The following ERI1 variants were observed in gnomAD, a reference collection of about 807,000 sequenced individuals.
The protein encoded by ERI1 is exoribonuclease 1, also known as 3'-5' exoribonuclease 1.
ERI1 carries 39 observed loss-of-function variants against 39.7 expected under a neutral mutation model. The ratio of observed to expected loss-of-function variants is 0.98; its 90% CI spans 0.76 to 1.28. ERI1 has a LOEUF of 1.28. Ranked by LOEUF, ERI1 falls within the 50% of genes most tolerant of loss-of-function variation. ERI1 has a pLI of 0.00. For missense variants in ERI1, 581 were observed against 416.9 expected, an observed-to-expected ratio of 1.39 and a Z score of -3.43; for synonymous variants, 204 against 149.6, an observed-to-expected ratio of 1.36 and a Z score of -2.65.
chr8:9,019,270 G>T (rs545510085), intron 5 of ERI1, among the ~76,000 whole-genome samples: 2 of 152,190 alleles, frequency 1.3e-5, no homozygotes, highest in African/African-American at 2.4e-5. Context: ...TTCAAACTGT[G>T]CAGGTTATCC....
chr8:9,007,861 C>T (rs74333969), intron 1 of ERI1, 109 bp from the exon 2 acceptor site: 9 of 1,438,144 alleles, frequency 6.3e-6, no homozygotes, highest in East Asian at 5.0e-5. Context: ...GAACATGTAG[C>T]ATGAAGAGGC....
downstream of ERI1, among the ~76,000 whole-genome samples, chr8:9,037,873 G>T (rs1488976772): frequency 7.2e-6 from 1 of 139,446 alleles, no homozygotes; most frequent in Non-Finnish European, 1.5e-5. Context: ...TAGTAGTTCA[G>T]TCTGTACATT....
intron 5 of ERI1, among the ~76,000 whole-genome samples, chr8:9,018,719 T>C (rs7814328): frequency 0.48 from 72,417 of 152,042 alleles, 18,858 homozygotes; most frequent in African/African-American, 0.65. Context: ...CCTTGAAGCC[T>C]CTTTCCTCTC....
Position 9,030,125 on chromosome 8 carries a change from T to G in ERI1, c.*91T>G. The G allele has an allele frequency of 1.3e-6, 2 of 1,496,300 alleles. No individual in the cohort carries two copies. The highest frequency in any genetic ancestry group is 2.3e-5 in the East Asian group (1 of 43,746). The allele number at this position is 1,496,300 out of a possible 1,614,324, so 92.7% of individuals were successfully genotyped here. A position where few individuals can be genotyped will look rare whatever the true frequency, so the allele number is the denominator to read the frequency against. ...TGAATTAGTCCTGTAGTGCAAACTT[T>G]AAGCACCTTAAAACATTTAAAATCT... On this transcript the variant is annotated 3_prime_UTR_variant, in exon 7 of 7. Transcript: ENST00000250263.
chr8:9,009,183 T>C, intron 2 of ERI1: 1 of 427,434 alleles, frequency 2.3e-6, no homozygotes, highest in Non-Finnish European at 4.7e-6. Flanking sequence ...GAATTCTAAG[T>C]ACTGCACTAG....
chr8:9,014,497 C>G (rs1369049429), intron 3 of ERI1, among the ~76,000 whole-genome samples: 2 of 152,116 alleles, frequency 1.3e-5, no homozygotes, highest in African/African-American at 4.8e-5. Context: ...CACCCAGGTT[C>G]CTTTAGTTTT....
At position 9,018,289 on chromosome 8, in the gene ERI1, A is replaced by G. The variant is rs771496350; in HGVS notation, c.583-8A>G. 4 of 1,562,998 alleles carry G rather than the reference A, an allele frequency of 2.6e-6. No individual in the cohort carries two copies. On this transcript the variant is annotated splice_polypyrimidine_tract_variant and splice_region_variant and intron_variant, in intron 4 of 6. Transcript: ENST00000250263. ...TGATTTTTGTATATTTTACTTTTAT[A>G]TCCTCAGGATCAGGTAGACAGAGCT...
At chr8:9,071,401 G>T (rs1799046685) in intron 3 of ERI1, among the ~76,000 whole-genome samples, 1 of 152,164 alleles carries the variant, frequency 6.6e-6, no homozygotes, top group Non-Finnish European at 1.5e-5. Flanking sequence ...TCCCACGGTG[G>T]AATTCAATAT....
chr8:9,025,157 C>T (rs1201443178), intron 6 of ERI1, among the ~76,000 whole-genome samples: 3 of 152,150 alleles, frequency 2.0e-5, no homozygotes, highest in Non-Finnish European at 4.4e-5. Flanking sequence ...GGATCCCTTA[C>T]CTAATCATAT....
At chr8:9,050,109 G>C (rs987751861) in intron 3 of ERI1, among the ~76,000 whole-genome samples, 4 of 151,668 alleles carry the variant, frequency 2.6e-5, no homozygotes, top group Non-Finnish European at 2.9e-5. Flanking sequence ...ATGTTTTAAG[G>C]ATAAGTGAGG....
At chr8:9,054,620 A>T (rs1386764900) in intron 3 of ERI1, among the ~76,000 whole-genome samples, 1 of 152,248 alleles carries the variant, frequency 6.6e-6, no homozygotes, top group African/African-American at 2.4e-5. Flanking sequence ...GGAAGCAGGG[A>T]CAGCCACGTA....
intron 3 of ERI1, among the ~76,000 whole-genome samples, chr8:9,014,267 C>T (rs1816994970): frequency 6.6e-6 from 1 of 152,220 alleles, no homozygotes; most frequent in South Asian, 2.1e-4. Flanking sequence ...GTTTTCTTAG[C>T]CAGAAGTCTT....
rs546549097 is a variant in ERI1 at position 9,025,570 on chromosome 8, A to G, written c.808-4222A>G. Among the ~76,000 whole-genome samples, 14 of 152,324 alleles carry G rather than the reference A, an allele frequency of 9.2e-5. No individual in the cohort carries two copies. The South Asian group carries it at 2.9e-3, about 32-fold the overall frequency. On this transcript the variant is annotated intron_variant, in intron 6 of 6. Transcript: ENST00000250263. ...TCCTTGCTAAGCCAGAGGAAGCAAG[A>G]GGTTGGTTTGTTCTTTGTCTAGATT...
chr8:9,030,319 G>T lies in ERI1; in HGVS notation c.*285G>T, dbSNP rs1433469052. The T allele has an allele frequency of 1.2e-5, 4 of 334,676 alleles. No individual in the cohort carries two copies. Among genetic ancestry groups the T allele is most frequent in the East Asian group, 1.0e-4 (2 of 19,936 alleles). The allele number at this position is 334,676 out of a possible 1,614,324, so 20.7% of individuals were successfully genotyped here. On this transcript the variant is annotated 3_prime_UTR_variant, in exon 7 of 7. Transcript: ENST00000250263. Reference sequence around the variant, plus strand: ...AAGGTGTTCAAGATATATTCTTTTTGGTTTTAAAATGCAAAATCTTATTGG... The same window carrying T: ...AAGGTGTTCAAGATATATTCTTTTTTGTTTTAAAATGCAAAATCTTATTGG...
chr8:9,068,225 A>G (rs1798942123), intron 3 of ERI1, among the ~76,000 whole-genome samples: 1 of 152,228 alleles, frequency 6.6e-6, no homozygotes, highest in Non-Finnish European at 1.5e-5. Flanking sequence ...AGATTTAAAG[A>G]AGCGTTTCTG....
At chr8:9,016,038 A>G (rs1362104158) in intron 3 of ERI1, among the ~76,000 whole-genome samples, 2 of 151,898 alleles carry the variant, frequency 1.3e-5, no homozygotes, top group Non-Finnish European at 2.9e-5. Context: ...AATATTATGA[A>G]CAAAATTATT....
intron 3 of ERI1, among the ~76,000 whole-genome samples, chr8:9,070,653 C>T (rs1048407183): frequency 2.0e-5 from 3 of 152,222 alleles, no homozygotes; most frequent in Non-Finnish European, 2.9e-5. Flanking sequence ...AGTCATTGCT[C>T]ATAAGGTTCA....
At chr8:9,038,648 T>C (rs1474013503) in intron 3 of ERI1, among the ~76,000 whole-genome samples, 2 of 152,178 alleles carry the variant, frequency 1.3e-5, no homozygotes, top group Non-Finnish European at 2.9e-5. Flanking sequence ...TCCCATCTAC[T>C]TGGGGGGCTG....
intron 1 of ERI1, chr8:9,004,155 C>T (rs1585175756): frequency 7.8e-7 from 1 of 1,289,186 alleles, no homozygotes; most frequent in Non-Finnish European, 1.0e-6. Context: ...GCCCTGTGTG[C>T]ACTTCCTTTG....
Sources: gnomAD v4.1 joint callset for allele counts (sites outside exome capture counted in the v4.1 genomes callset) on GRCh38, gnomAD v4.1.1 for gene constraint, MANE v1.5 for transcripts, NCBI Gene and HGNC (gene_info 2026-07-23, HGNC 2026-07-21) for gene names.